Variants in PAK2 observed in about 807,000 individuals in gnomAD.
PAK2 encodes the protein serine/threonine-protein kinase PAK 2.
A neutral mutation model predicts 65.9 loss-of-function variants in PAK2; 21 were observed. That is an observed-to-expected ratio of 0.32 (90% CI 0.23 to 0.46). The LOEUF (loss-of-function observed/expected upper bound fraction) is 0.46. PAK2 is among the 20% of genes least tolerant of loss of function. The pLI is 1.00. For missense variants in PAK2, 324 were observed against 642.6 expected (o/e 0.50, Z 5.36); for synonymous variants, 204 against 219.7 (o/e 0.93, Z 0.63).
At chr3:196,782,863 C>A in intron 2 of PAK2, 30 bp downstream of exon 2, 1 of 1,474,852 alleles carries the variant, frequency 6.8e-7, no homozygotes, top group South Asian at 1.2e-5. Flanking sequence ...TTCAGAGTCT[C>A]AGCATTGGTT....
intron 13 of PAK2, among the ~76,000 whole-genome samples, chr3:196,823,686 A>G (rs550927707): frequency 6.6e-6 from 1 of 151,590 alleles, no homozygotes; most frequent in South Asian, 2.1e-4. Flanking sequence ...ACATGATGAA[A>G]CCTCGTCTCT....
intron 1 of PAK2, among the ~76,000 whole-genome samples, chr3:196,770,555 T>C (rs1391207575): frequency 6.6e-6 from 1 of 151,982 alleles, no homozygotes; most frequent in African/African-American, 2.4e-5. Context: ...GAATTGTTTG[T>C]GTGTATATAT....
chr3:196,742,749 C>A (rs1713246030), intron 1 of PAK2, among the ~76,000 whole-genome samples: 1 of 152,032 alleles, frequency 6.6e-6, no homozygotes, highest in African/African-American at 2.4e-5. Context: ...CCCGTCTCTA[C>A]TAAAAATACA....
In PAK2 at chr3:196,829,686, G is replaced by C. The variant is rs754666942; in HGVS notation, c.*1281G>C. 1 of 152,192 alleles carries C rather than the reference G, an allele frequency of 6.6e-6. No individual in the cohort carries two copies. 9.4% of individuals were successfully genotyped at this position (152,192 alleles called of 1,614,324 possible). On this transcript the variant is annotated 3_prime_UTR_variant, in exon 15 of 15. Coordinates refer to ENST00000327134, the MANE Select transcript of PAK2 (RefSeq NM_002577.4). Reference sequence around the variant, plus strand: ...TGGTATTATCTATGAGAACTTGAGCGACAGAGTATTTCTTGATGAATTTAT... The same window carrying C: ...TGGTATTATCTATGAGAACTTGAGCCACAGAGTATTTCTTGATGAATTTAT...
intron 11 of PAK2, 114 bp downstream of exon 11, chr3:196,814,682 A>ACATTCTCTG: frequency 3.0e-6 from 2 of 665,316 alleles, no homozygotes; most frequent in Non-Finnish European, 5.3e-6. Context: ...TTCTCTGTAT[A>ACATTCTCTG]CATTCTCTGC....
intron 1 of PAK2, among the ~76,000 whole-genome samples, chr3:196,780,189 C>T (rs951632361): frequency 4.4e-4 from 67 of 152,364 alleles, no homozygotes; most frequent in African/African-American, 1.6e-3. Context: ...CTTCCTTAGA[C>T]CAGACAGCCT....
At chr3:196,806,162 C>T (rs933736073) in intron 5 of PAK2, among the ~76,000 whole-genome samples, 3 of 151,986 alleles carry the variant, frequency 2.0e-5, no homozygotes, top group South Asian at 2.1e-4. Flanking sequence ...CCACCCACCT[C>T]GGCCTCCCAA....
intron 2 of PAK2, among the ~76,000 whole-genome samples, chr3:196,787,012 A>T (rs1247463392): frequency 6.6e-6 from 1 of 151,682 alleles, no homozygotes; most frequent in Non-Finnish European, 1.5e-5. Flanking sequence ...TTTTGTAGAG[A>T]CAGGCTCTCA....
At chr3:196,773,934 C>T (rs775264477) in intron 1 of PAK2, among the ~76,000 whole-genome samples, 9 of 150,678 alleles carry the variant, frequency 6.0e-5, no homozygotes, top group Non-Finnish European at 1.0e-4. Flanking sequence ...CCCAGCTACT[C>T]GGGAGGCTGA....
chr3:196,784,657 T>C (rs1714825651), intron 2 of PAK2, among the ~76,000 whole-genome samples: 1 of 144,162 alleles, frequency 6.9e-6, no homozygotes. Context: ...TCCAAGTCTT[T>C]GCTATTGTGA....
At position 196,820,697 on chromosome 3, in the gene PAK2, T is replaced by C. The variant is rs1711615031; in HGVS notation, c.1350+130T>C. 1 of 467,014 alleles carries C rather than the reference T, an allele frequency of 2.1e-6. No individual in the cohort carries two copies. Among genetic ancestry groups the C allele is most frequent in the Non-Finnish European group, 3.8e-6 (1 of 264,322 alleles). 28.9% of individuals were successfully genotyped at this position (467,014 alleles called of 1,614,324 possible). A position where few individuals can be genotyped will look rare whatever the true frequency, so the allele number is the denominator to read the frequency against. ...ATAAAACCTAATCTCTGCCCCTAAC[T>C]CTGCATCTAGAAATCATTTGCTCTC... On this transcript the variant is annotated intron_variant, in intron 13 of 14. Transcript: ENST00000327134. The surrounding 1 kb of genome is among the most constrained non-coding windows in gnomAD (Gnocchi z 4.6).
intron 1 of PAK2, among the ~76,000 whole-genome samples, chr3:196,767,291 C>T (rs953885411): frequency 1.8e-4 from 27 of 151,900 alleles, no homozygotes; most frequent in African/African-American, 6.0e-4. Flanking sequence ...TTTTTAGAAA[C>T]GGGATATATG....
rs370415912 is a variant in PAK2 at position 196,797,378 on chromosome 3, G to A, written c.188-4549G>A. ...CTTGGGAGACTGAGGCAGGAGAATC[G>A]TTTGAACCTGGGAGGCAGAGGCTGC... On this transcript the variant is annotated intron_variant, in intron 2 of 14. Coordinates refer to ENST00000327134, the MANE Select transcript of PAK2 (RefSeq NM_002577.4). Among the ~76,000 whole-genome samples, 4 of 151,740 alleles carry A rather than the reference G, an allele frequency of 2.6e-5. No homozygotes were observed. In the South Asian group the frequency reaches 8.3e-4, roughly 31 times the overall value.
Position 196,751,674 on chromosome 3 carries a change from C to CATATAT in PAK2, c.-22+11533_-22+11538dup, listed in dbSNP as rs149522539. ...AAAAACACACAAATTTATTTATATA[C>CATATAT]ATATATATATATATATATATAATTC... On this transcript the variant is annotated intron_variant, in intron 1 of 14. Transcript: ENST00000327134. Among the ~76,000 whole-genome samples the CATATAT allele has an allele frequency of 5.9e-3, 423 of 71,804 alleles. 35 individuals are homozygous for CATATAT. The highest frequency in any genetic ancestry group is 0.019 in the South Asian group (45 of 2,412). 47.1% of individuals were successfully genotyped at this position (71,804 alleles called of 152,430 possible).
rs540575276 is a variant in PAK2, at chr3:196,796,138, C to T, written c.188-5789C>T. Among the ~76,000 whole-genome samples, 25 of 152,330 alleles carry T rather than the reference C, an allele frequency of 1.6e-4. 1 individual carries two copies. Among genetic ancestry groups the T allele is most frequent in the Middle Eastern group, 6.8e-3 (2 of 294 alleles). On this transcript the variant is annotated intron_variant, in intron 2 of 14. Transcript: ENST00000327134. ...TGCCACTCAGTTCCTGCCGTGCAGC[C>T]GGTTCCTAACAAGCCTCGGACTCTG...
intron 1 of PAK2, among the ~76,000 whole-genome samples, chr3:196,757,371 T>G (rs1338404515): frequency 1.3e-5 from 2 of 152,196 alleles, no homozygotes; most frequent in African/African-American, 4.8e-5. Context: ...TGAAGAGAAA[T>G]CTAGAACTCA....
chr3:196,751,663 T>G (rs76634441), intron 1 of PAK2, among the ~76,000 whole-genome samples: 1 of 45,748 alleles, frequency 2.2e-5, no homozygotes, highest in Non-Finnish European at 4.0e-5. Context: ...ACACACAAAT[T>G]TATTTATATA....
intron 1 of PAK2, among the ~76,000 whole-genome samples, chr3:196,775,794 C>A (rs1714518529): frequency 6.6e-6 from 1 of 152,190 alleles, no homozygotes; most frequent in South Asian, 2.1e-4. Flanking sequence ...GTGAAAAAGC[C>A]TTCTGACCTT....
chr3:196,803,807 A>G (rs1455532619), intron 4 of PAK2, among the ~76,000 whole-genome samples: 5 of 152,224 alleles, frequency 3.3e-5, no homozygotes, highest in African/African-American at 7.2e-5. Context: ...TTGTTTTCCA[A>G]GTTGCTCAGT....
Sources: gnomAD v4.1 joint callset for allele counts (sites outside exome capture counted in the v4.1 genomes callset) on GRCh38, gnomAD v4.1.1 for gene constraint, Gnocchi (gnomAD v3.1) non-coding constraint, MANE v1.5 for transcripts, NCBI Gene and HGNC (gene_info 2026-07-23, HGNC 2026-07-21) for gene names.